GALNT10: variants seen among roughly 807,000 people sequenced by gnomAD.
GALNT10 encodes the protein polypeptide N-acetylgalactosaminyltransferase 10, also known as GalNAc transferase 10.
GALNT10 carries 41 observed loss-of-function variants against 75.0 expected under a neutral mutation model. That is an observed-to-expected ratio of 0.55 (90% CI 0.43 to 0.71). The LOEUF (loss-of-function observed/expected upper bound fraction) is 0.71, where lower values mean the gene tolerates loss of function less well. GALNT10 is among the 30% of genes least tolerant of loss of function. The pLI is 0.00. For missense variants in GALNT10, 727 were observed against 818.5 expected, an observed-to-expected ratio of 0.89 and a Z score of 1.36; for synonymous variants, 302 against 313.0, an observed-to-expected ratio of 0.96 and a Z score of 0.37.
chr5:154,208,922 T>G (rs969117415), intron 1 of GALNT10, among the ~76,000 whole-genome samples: 1 of 152,122 alleles, frequency 6.6e-6, no homozygotes, highest in African/African-American at 2.4e-5. Flanking sequence ...GATCCTGACT[T>G]TGTTGGAGAG....
intron 8 of GALNT10, among the ~76,000 whole-genome samples, chr5:154,408,098 TTTTACTGGAAC>T (rs1463396423): frequency 1.3e-5 from 2 of 152,110 alleles, no homozygotes; most frequent in Non-Finnish European, 2.9e-5. Flanking sequence ...TATCCATAAG[TTTTACTGGAAC>T]CCAGCCACAC....
chr5:154,323,659 C>A (rs969968716), intron 3 of GALNT10, among the ~76,000 whole-genome samples: 3 of 152,228 alleles, frequency 2.0e-5, no homozygotes, highest in African/African-American at 7.2e-5. Context: ...TTCGAGGAAC[C>A]AAGAGGAAGC....
In GALNT10 at chr5:154,420,424, C is replaced by T. The variant is rs1561690576; in HGVS notation, c.*3452C>T. 6.6e-6 allele frequency: 1 copy of T among 152,156 alleles called. No homozygotes were observed. The highest frequency in any genetic ancestry group is 1.5e-5 in the Non-Finnish European group (1 of 68,034). 9.4% of individuals were successfully genotyped at this position (152,156 alleles called of 1,614,324 possible). A position where few individuals can be genotyped will look rare whatever the true frequency, so the allele number is the denominator to read the frequency against. ...TCAAAAAGAGTGGCAAAGCACTTTA[C>T]AGTAGTAACTGAGGAATCAGAGTCT... On this transcript the variant is annotated 3_prime_UTR_variant, in exon 12 of 12. Coordinates refer to ENST00000297107, the MANE Select transcript of GALNT10 (RefSeq NM_198321.4).
chr5:154,246,029 A>G lies in GALNT10; in HGVS notation c.160-48787A>G, dbSNP rs1215195504. ...TGTGTCCATGTGTTCTCATTGTTCA[A>G]TTCCCACCTATGAGTGACAACATGC... is the stretch of plus-strand genomic sequence containing the variant. On this transcript the variant is annotated intron_variant, in intron 1 of 11. Transcript: ENST00000297107. Among the ~76,000 whole-genome samples, 3 of 151,082 alleles carry G rather than the reference A, an allele frequency of 2.0e-5. No individual in the cohort carries two copies. The East Asian group carries it at 5.8e-4, about 29-fold the overall frequency.
chr5:154,338,618 G>T (rs1054136654), intron 4 of GALNT10, among the ~76,000 whole-genome samples: 1 of 152,162 alleles, frequency 6.6e-6, no homozygotes, highest in Admixed American at 6.5e-5. Context: ...TCCATAGTGG[G>T]AATCTACATT....
chr5:154,275,444 G>A (rs1753935505), intron 1 of GALNT10, among the ~76,000 whole-genome samples: 3 of 152,220 alleles, frequency 2.0e-5, no homozygotes, highest in Admixed American at 6.5e-5. Flanking sequence ...TCAGGCTCGT[G>A]TGGTGAATTG....
At chr5:154,232,122 G>A (rs532128586) in intron 1 of GALNT10, among the ~76,000 whole-genome samples, 4 of 152,316 alleles carry the variant, frequency 2.6e-5, no homozygotes, top group African/African-American at 9.6e-5. Context: ...ATTATAAGCA[G>A]ATTTTTATAG....
chr5:154,314,748 G>A (rs145037422), intron 3 of GALNT10, among the ~76,000 whole-genome samples: 101 of 151,706 alleles, frequency 6.7e-4, no homozygotes, highest in African/African-American at 2.3e-3. Flanking sequence ...ATGTGAAAGT[G>A]CTAAAGTGGT....
chr5:154,191,242 G>T (rs948363017), intron 1 of GALNT10, among the ~76,000 whole-genome samples: 2 of 152,102 alleles, frequency 1.3e-5, no homozygotes, highest in African/African-American at 2.4e-5. Flanking sequence ...CACTCAGGAC[G>T]CTATTTCTCA....
In GALNT10 at chr5:154,213,677, G is replaced by T. The variant is rs1256890040; in HGVS notation, c.159+22652G>T. Among the ~76,000 whole-genome samples, 4 of 152,060 alleles carry T rather than the reference G, an allele frequency of 2.6e-5. No individual in the cohort carries two copies. The South Asian group carries it at 8.3e-4, about 32-fold the overall frequency. ...GCTCACTGCACCCTCAAACTCTTGG[G>T]CTCAAGTGATCTTCCTGCTTCAACA... On this transcript the variant is annotated intron_variant, in intron 1 of 11. Transcript: ENST00000297107.
At chr5:154,329,929 C>A in intron 4 of GALNT10, 191 bp downstream of exon 4, 1 of 309,532 alleles carries the variant, frequency 3.2e-6, no homozygotes, top group Non-Finnish European at 5.9e-6. Context: ...CATTTTTATC[C>A]CCTGCATATC....
At position 154,418,331 on chromosome 5, in the gene GALNT10, C is replaced by CAGAT. The variant is rs1756557662; in HGVS notation, c.*1361_*1364dup. The CAGAT allele has an allele frequency of 6.6e-6, 1 of 152,242 alleles. No homozygotes were observed. Among genetic ancestry groups the CAGAT allele is most frequent in the African/African-American group, 2.4e-5 (1 of 41,436 alleles). The allele number at this position is 152,242 out of a possible 1,614,324, so 9.4% of individuals were successfully genotyped here. A position where few individuals can be genotyped will look rare whatever the true frequency, so the allele number is the denominator to read the frequency against. ...AGAAAAGAACCCGACGTCCCACAGCCAGATATACACCCAGCTCCATGCCAG... is the reference window on the plus strand; with the variant it reads ...AGAAAAGAACCCGACGTCCCACAGCCAGATAGATATACACCCAGCTCCATGCCAG... On this transcript the variant is annotated 3_prime_UTR_variant, in exon 12 of 12. Coordinates refer to ENST00000297107, the MANE Select transcript of GALNT10 (RefSeq NM_198321.4).
intron 4 of GALNT10, among the ~76,000 whole-genome samples, chr5:154,336,777 A>G (rs956798798): frequency 2.0e-5 from 3 of 152,218 alleles, no homozygotes; most frequent in Non-Finnish European, 4.4e-5. Context: ...ATATAGTAAC[A>G]TGTAATAAAA....
At position 154,386,774 on chromosome 5, in the gene GALNT10, A is replaced by G. The variant is rs1294376276; in HGVS notation, c.1056+344A>G. Reference sequence around the variant, plus strand: ...ATGTCCAGCAAATAAGCAGTGGGCCAGAGAAGCTAGGAAGGCCAAACAGGA... The same window carrying G: ...ATGTCCAGCAAATAAGCAGTGGGCCGGAGAAGCTAGGAAGGCCAAACAGGA... On this transcript the variant is annotated intron_variant, in intron 7 of 11. Transcript: ENST00000297107. 8.0e-6 allele frequency: 4 copies of G among 499,986 alleles called. No individual in the cohort carries two copies. The South Asian group carries it at 8.2e-5, about 10-fold the overall frequency. 31.0% of individuals were successfully genotyped at this position (499,986 alleles called of 1,614,324 possible).
intron 1 of GALNT10, among the ~76,000 whole-genome samples, chr5:154,279,299 G>GT (rs1398081050): frequency 2.0e-4 from 18 of 90,916 alleles, no homozygotes; most frequent in African/African-American, 4.5e-4. Context: ...TGTTGTTGTT[G>GT]TTTTGTTTTT....
intron 1 of GALNT10, among the ~76,000 whole-genome samples, chr5:154,292,848 C>G (rs777192297): frequency 1.3e-5 from 2 of 152,248 alleles, no homozygotes; most frequent in Admixed American, 1.3e-4. Context: ...AAGGCAGTGC[C>G]GGGGTCCCCT....
intron 4 of GALNT10, among the ~76,000 whole-genome samples, chr5:154,336,368 A>G (rs910310159): frequency 3.3e-5 from 5 of 152,174 alleles, no homozygotes; most frequent in African/African-American, 1.2e-4. Context: ...TGATTGCTGG[A>G]TCATTTGGTA....
At chr5:154,287,890 C>CTG (rs61253851) in intron 1 of GALNT10, among the ~76,000 whole-genome samples, 20,556 of 145,012 alleles carry the variant, frequency 0.14, 1,498 homozygotes, top group Middle Eastern at 0.2. Flanking sequence ...AATTGCTTTG[C>CTG]TGTGTGTGTG....
At chr5:154,267,290 C>T (rs1446851744) in intron 1 of GALNT10, among the ~76,000 whole-genome samples, 1 of 152,182 alleles carries the variant, frequency 6.6e-6, no homozygotes, top group Non-Finnish European at 1.5e-5. Context: ...GCTCTAAGCA[C>T]ATGATGTTTT....
Sources: allele counts gnomAD v4.1 joint callset (sites outside exome capture counted in the v4.1 genomes callset), GRCh38; gene constraint gnomAD v4.1.1; transcripts MANE v1.5; gene names NCBI Gene and HGNC (gene_info 2026-07-23, HGNC 2026-07-21).